The following MANBAL variants were observed in gnomAD, a reference collection of about 807,000 sequenced individuals.
MANBAL encodes mannosidase beta like.
A neutral mutation model predicts 6.4 loss-of-function variants in MANBAL; 1 was observed. The observed-to-expected ratio is 0.16, with a 90% CI of 0.06 to 0.74. The LOEUF (loss-of-function observed/expected upper bound fraction) is 0.74. Ranked by LOEUF, MANBAL falls within the 30% of genes least tolerant of loss-of-function variation. MANBAL has a pLI of 0.78. For synonymous variants in MANBAL, 47 were observed against 45.8 expected, an observed-to-expected ratio of 1.03 and a Z score of -0.10; for missense variants, 100 against 107.8, an observed-to-expected ratio of 0.93 and a Z score of 0.32.
intron 1 of MANBAL, among the ~76,000 whole-genome samples, chr20:37,299,690 G>A (rs963802771): frequency 6.6e-6 from 1 of 152,196 alleles, no homozygotes; most frequent in African/African-American, 2.4e-5. Context: ...GGTAAAGGGG[G>A]AGCAGTTCAG....
chr20:37,297,274 A>C (rs926556026), intron 1 of MANBAL: 2 of 152,160 alleles, frequency 1.3e-5, no homozygotes, highest in Non-Finnish European at 2.9e-5. Flanking sequence ...TATTTGACCA[A>C]AAATGGTATT....
At chr20:37,315,628 C>T (rs1467591568) in intron 2 of MANBAL, among the ~76,000 whole-genome samples, 3 of 152,264 alleles carry the variant, frequency 2.0e-5, no homozygotes, top group Non-Finnish European at 2.9e-5. Flanking sequence ...CAGAGCTGCT[C>T]CTGTCGCCCA....
chr20:37,294,552 G>C (rs963568551), intron 1 of MANBAL, among the ~76,000 whole-genome samples: 2 of 152,242 alleles, frequency 1.3e-5, no homozygotes, highest in Admixed American at 6.5e-5. Context: ...GACTGTTCTT[G>C]ATCATGATGC....
intron 1 of MANBAL, among the ~76,000 whole-genome samples, chr20:37,290,583 C>T (rs577628997): frequency 5.3e-5 from 8 of 152,158 alleles, no homozygotes; most frequent in African/African-American, 1.4e-4. Flanking sequence ...CTCAGCTTTC[C>T]GAATAGCTGG....
At chr20:37,290,483 C>T (rs938704100) in intron 1 of MANBAL, among the ~76,000 whole-genome samples, 12 of 151,298 alleles carry the variant, frequency 7.9e-5, no homozygotes, top group African/African-American at 2.7e-4. Context: ...TATTTAGAGA[C>T]GGAGTCTCTC....
intron 2 of MANBAL, chr20:37,302,269 C>A (rs987353011): frequency 6.4e-7 from 1 of 1,550,430 alleles, no homozygotes; most frequent in East Asian, 2.4e-5. Context: ...CCCTGTGTTT[C>A]CTGTCAACAG....
intron 2 of MANBAL, among the ~76,000 whole-genome samples, chr20:37,310,934 G>A (rs751554432): frequency 6.6e-6 from 1 of 152,206 alleles, no homozygotes; most frequent in Non-Finnish European, 1.5e-5. Context: ...TGAAAAGGCA[G>A]CCCTTAATTG....
intron 2 of MANBAL, among the ~76,000 whole-genome samples, chr20:37,302,035 G>A (rs1451344688): frequency 1.3e-5 from 2 of 152,242 alleles, no homozygotes; most frequent in African/African-American, 4.8e-5. Flanking sequence ...GGTTTTAAGT[G>A]TGAGAATGAC....
At chr20:37,304,098 A>C (rs189046143) in intron 2 of MANBAL, among the ~76,000 whole-genome samples, 24 of 152,350 alleles carry the variant, frequency 1.6e-4, no homozygotes, top group Admixed American at 7.2e-4. Flanking sequence ...ATTTTTTACT[A>C]CTAAGACTCA....
At chr20:37,310,358 G>T (rs754257091) in intron 2 of MANBAL, among the ~76,000 whole-genome samples, 15 of 152,208 alleles carry the variant, frequency 9.9e-5, no homozygotes, top group African/African-American at 3.4e-4. Flanking sequence ...CACCTTCAGC[G>T]TTAAGCAGAC....
At chr20:37,294,729 C>T (rs561797114) in intron 1 of MANBAL, among the ~76,000 whole-genome samples, 2 of 152,338 alleles carry the variant, frequency 1.3e-5, no homozygotes, top group East Asian at 3.9e-4. Flanking sequence ...CTATCCTCTT[C>T]TTCCTTCCTG....
intron 1 of MANBAL, chr20:37,297,639 G>A (rs1600899988): frequency 6.4e-6 from 1 of 155,468 alleles, no homozygotes; most frequent in East Asian, 1.9e-4. Context: ...CCAAGGTGGC[G>A]GCAGGCCTTT....
At chr20:37,312,474 T>C (rs1600921468) in intron 2 of MANBAL, among the ~76,000 whole-genome samples, 1 of 152,174 alleles carries the variant, frequency 6.6e-6, no homozygotes, top group Non-Finnish European at 1.5e-5. Context: ...AAATCTTGGG[T>C]CTGCTACTCA....
chr20:37,304,686 G>T (rs1056027688), intron 2 of MANBAL, among the ~76,000 whole-genome samples: 1 of 152,198 alleles, frequency 6.6e-6, no homozygotes, highest in African/African-American at 2.4e-5. Context: ...GGGAATTACT[G>T]ATACAATGTG....
chr20:37,309,754 G>C (rs1014182575), intron 2 of MANBAL, among the ~76,000 whole-genome samples: 2 of 152,106 alleles, frequency 1.3e-5, no homozygotes, highest in Admixed American at 6.6e-5. Context: ...TTTGCACAAG[G>C]GTCTTGATTT....
rs376390185 is a variant in MANBAL, at chr20:37,290,880, G to A, written c.-57+1194G>A. Among the ~76,000 whole-genome samples, 49 of 152,310 alleles carry A rather than the reference G, an allele frequency of 3.2e-4. No individual in the cohort carries two copies. The South Asian group carries it at 4.1e-3, about 13-fold the overall frequency. ...CTCCTGGACCTCCCAAAGTGTTTGG[G>A]ATTACTGGCAAGAGCCACTGTGCCT... On this transcript the variant is annotated intron_variant, in intron 1 of 2. Transcript: ENST00000373606.
intron 1 of MANBAL, among the ~76,000 whole-genome samples, chr20:37,300,371 C>T (rs2069106406): frequency 1.3e-5 from 2 of 152,210 alleles, no homozygotes; most frequent in South Asian, 4.1e-4. Flanking sequence ...CCACTCCATT[C>T]CCGTCTCTGT....
intron 2 of MANBAL, among the ~76,000 whole-genome samples, chr20:37,302,766 G>GT (rs201677387): frequency 0.2 from 28,358 of 144,604 alleles, 3,111 homozygotes; most frequent in Middle Eastern, 0.29. Context: ...ATATGTTTTA[G>GT]TTTTTTTTTT....
chr20:37,292,728 C>T (rs1270570885), intron 1 of MANBAL, among the ~76,000 whole-genome samples: 1 of 152,236 alleles, frequency 6.6e-6, no homozygotes, highest in African/African-American at 2.4e-5. Flanking sequence ...GCTCCTGTAT[C>T]CCTTTGACAT....
Sources: allele counts gnomAD v4.1 joint callset (sites outside exome capture counted in the v4.1 genomes callset), GRCh38; gene constraint gnomAD v4.1.1; transcripts MANE v1.5; gene names NCBI Gene and HGNC (gene_info 2026-07-23, HGNC 2026-07-21).